Variants in MEIS1 observed in about 807,000 individuals in gnomAD.
The protein encoded by MEIS1 is Meis homeobox 1.
A neutral mutation model predicts 50.8 loss-of-function variants in MEIS1; 5 were observed. The observed-to-expected ratio is 0.10, with a 90% CI of 0.05 to 0.21. The LOEUF is 0.21. Ranked by LOEUF, MEIS1 falls within the 10% of genes least tolerant of loss-of-function variation. The pLI, the probability that MEIS1 is intolerant of heterozygous loss-of-function variation, is 1.00. For synonymous variants in MEIS1, 176 were observed against 179.3 expected (o/e 0.98, Z 0.15); for missense variants, 318 against 517.3 (o/e 0.61, Z 3.74).
rs145564328 is a variant in MEIS1, at chr2:66,572,855, A to C, written c.*1647A>C. On this transcript the variant is annotated 3_prime_UTR_variant, in exon 13 of 13. Transcript: ENST00000272369. ...AAAATTAATTTTGGCTCCCTAAGCCATATATGTATTTGACAATTTTAACCG... is the reference window on the plus strand; with the variant it reads ...AAAATTAATTTTGGCTCCCTAAGCCCTATATGTATTTGACAATTTTAACCG... 2.0e-3 allele frequency: 308 copies of C among 152,322 alleles called. No individual in the cohort carries two copies. Among genetic ancestry groups the C allele is most frequent in the African/African-American group, 7.1e-3 (294 of 41,576 alleles). 9.4% of individuals were successfully genotyped at this position (152,322 alleles called of 1,614,324 possible).
intron 8 of MEIS1, 83 bp from the exon 9 acceptor site, chr2:66,547,860 A>T: frequency 7.5e-7 from 1 of 1,336,450 alleles, no homozygotes; most frequent in South Asian, 1.2e-5. Flanking sequence ...ACCTTTAATT[A>T]TAGACTTCAT....
chr2:66,538,596 C>T (rs1674574708), intron 8 of MEIS1, among the ~76,000 whole-genome samples: 1 of 152,174 alleles, frequency 6.6e-6, no homozygotes, highest in Non-Finnish European at 1.5e-5. Context: ...ACTTTAATAA[C>T]ATTCATTCAC....
At chr2:66,528,588 C>T (rs1674314021) in intron 8 of MEIS1, among the ~76,000 whole-genome samples, 1 of 152,086 alleles carries the variant, frequency 6.6e-6, no homozygotes, top group Admixed American at 6.6e-5. Context: ...CCCTGAGTCC[C>T]ATCAATTCTC....
At chr2:66,509,759 A>C (rs1292661150) in intron 7 of MEIS1, among the ~76,000 whole-genome samples, 2 of 152,252 alleles carry the variant, frequency 1.3e-5, no homozygotes, top group African/African-American at 4.8e-5. Flanking sequence ...GGTGCCCTCA[A>C]GGCACGCTTT....
At chr2:66,571,144 TCA>T in intron 12 of MEIS1, 100 bp from the exon 13 acceptor site, 2 of 1,164,404 alleles carry the variant, frequency 1.7e-6, no homozygotes, top group South Asian at 1.6e-5. Context: ...GTTCCCTTAA[TCA>T]CAGGGTTCTC....
intron 8 of MEIS1, among the ~76,000 whole-genome samples, chr2:66,532,634 T>C (rs186782862): frequency 2.0e-5 from 3 of 152,266 alleles, no homozygotes; most frequent in African/African-American, 4.8e-5. Flanking sequence ...AAAAACAGCT[T>C]TCATCTGTAA....
At chr2:66,567,732 ACT>A (rs1675385642) in intron 10 of MEIS1, 1 of 653,870 alleles carries the variant, frequency 1.5e-6, no homozygotes. Context: ...GAGAAAAGTA[ACT>A]CTTAAATAAT....
At chr2:66,568,549 A>T (rs1675406961) in intron 10 of MEIS1, 118 bp from the exon 11 acceptor site, 1 of 746,290 alleles carries the variant, frequency 1.3e-6, no homozygotes, top group African/African-American at 1.8e-5. Context: ...TTAAAAAATT[A>T]TACTAGCCTG....
intron 8 of MEIS1, among the ~76,000 whole-genome samples, chr2:66,538,625 C>T (rs1189745354): frequency 6.6e-6 from 1 of 152,152 alleles, no homozygotes; most frequent in African/African-American, 2.4e-5. Context: ...TTATTGGGCA[C>T]AGAACTGGTA....
At chr2:66,556,914 C>T (rs114360265) in intron 9 of MEIS1, among the ~76,000 whole-genome samples, 2,598 of 11,810 alleles carry the variant, frequency 0.22, 33 homozygotes, top group South Asian at 0.38. Flanking sequence ...GGACTTGGGG[C>T]GGGGTGGGAG....
Position 66,435,558 on chromosome 2 carries a change from C to CTT in MEIS1, c.-287_-286dup, listed in dbSNP as rs551308236. Reference sequence around the variant, plus strand: ...TTTTTTTCCTTTTCTTTCTTTCTTTCTTTTTTTTTTTTTAAACTGATTTTT... The same window carrying CTT: ...TTTTTTTCCTTTTCTTTCTTTCTTTCTTTTTTTTTTTTTTTAAACTGATTTTT... On this transcript the variant is annotated 5_prime_UTR_variant, in exon 1 of 13. Coordinates refer to ENST00000272369, the MANE Select transcript of MEIS1 (RefSeq NM_002398.3). 9.4e-5 allele frequency: 29 copies of CTT among 307,500 alleles called. No homozygotes were observed. Among genetic ancestry groups the CTT allele is most frequent in the South Asian group, 1.5e-4 (1 of 6,576 alleles). 19.0% of individuals were successfully genotyped at this position (307,500 alleles called of 1,614,324 possible).
chr2:66,457,753 C>T (rs1005779766), intron 6 of MEIS1, among the ~76,000 whole-genome samples: 3 of 152,228 alleles, frequency 2.0e-5, no homozygotes, highest in Admixed American at 1.3e-4. Context: ...TGGAAGAGCA[C>T]AGGTGTGCAC....
At chr2:66,558,489 G>T (rs774156640) in intron 9 of MEIS1, among the ~76,000 whole-genome samples, 5 of 151,870 alleles carry the variant, frequency 3.3e-5, no homozygotes, top group Non-Finnish European at 5.9e-5. Flanking sequence ...TCCTTTAAGT[G>T]TGTTTCCATT....
intron 7 of MEIS1, among the ~76,000 whole-genome samples, chr2:66,503,006 C>G (rs547116864): frequency 6.6e-6 from 1 of 152,316 alleles, no homozygotes; most frequent in African/African-American, 2.4e-5. Context: ...GACAACTTAT[C>G]AATTCATGTC....
In MEIS1 at chr2:66,439,611, A is replaced by C. The variant is rs143267215; in HGVS notation, c.240-232A>C. On this transcript the variant is annotated intron_variant, in intron 2 of 12. Coordinates refer to ENST00000272369, the MANE Select transcript of MEIS1 (RefSeq NM_002398.3). ...TTCTCCGGCCAGATACGCTAAACCG[A>C]TCCTCAGATACCGTCCATGGCTCAG... The C allele has an allele frequency of 3.1e-3, 4,841 of 1,536,872 alleles. 15 individuals carry two copies. The Middle Eastern group carries it at 0.035, about 11-fold the overall frequency.
At chr2:66,515,641 T>C (rs1673947317) in intron 8 of MEIS1, among the ~76,000 whole-genome samples, 1 of 152,168 alleles carries the variant, frequency 6.6e-6, no homozygotes, top group Admixed American at 6.5e-5. Context: ...TTGGTGATTA[T>C]GGGGTAAGAA....
chr2:66,539,918 G>C (rs527968863), intron 8 of MEIS1, among the ~76,000 whole-genome samples: 1 of 152,210 alleles, frequency 6.6e-6, no homozygotes, highest in South Asian at 2.1e-4. Flanking sequence ...TTTCCTCTCT[G>C]TTCACCATGA....
At chr2:66,440,230 A>C in intron 3 of MEIS1, 1 of 594,022 alleles carries the variant, frequency 1.7e-6, no homozygotes, top group Non-Finnish European at 3.0e-6. Context: ...CTCACCCTCC[A>C]GAAAGCAAAC....
Position 66,548,576 on chromosome 2 carries a change from G to T in MEIS1, c.965+557G>T, listed in dbSNP as rs539492469. ...CTGTGCAATACTGTTTCTAAATAAAGTGTAAATTCCTGATTTGGGGCGAAG... is the reference window on the plus strand; with the variant it reads ...CTGTGCAATACTGTTTCTAAATAAATTGTAAATTCCTGATTTGGGGCGAAG... On this transcript the variant is annotated intron_variant, in intron 9 of 12. Coordinates refer to ENST00000272369, the MANE Select transcript of MEIS1 (RefSeq NM_002398.3). 5.3e-5 allele frequency among the ~76,000 whole-genome samples: 8 copies of T among 152,266 alleles called. No homozygotes were observed. The South Asian group carries it at 1.7e-3, about 32-fold the overall frequency.
Sources: allele counts gnomAD v4.1 joint callset (sites outside exome capture counted in the v4.1 genomes callset), GRCh38; gene constraint gnomAD v4.1.1; transcripts MANE v1.5; gene names NCBI Gene and HGNC (gene_info 2026-07-23, HGNC 2026-07-21).